Variants in BAZ2B observed in about 807,000 individuals in gnomAD.
The protein encoded by BAZ2B is bromodomain adjacent to zinc finger domain 2B, also known as bromodomain adjacent to zinc finger domain protein 2B.
A neutral mutation model predicts 246.0 loss-of-function variants in BAZ2B; 91 were observed. The ratio of observed to expected loss-of-function variants is 0.37; its 90% confidence interval spans 0.31 to 0.44. The LOEUF (loss-of-function observed/expected upper bound fraction) is 0.44. BAZ2B is among the 20% of genes least tolerant of loss of function. The probability of loss-of-function intolerance (pLI) is 1.00; values close to 1 mark genes in which losing one functional copy is unlikely to be tolerated. For synonymous variants in BAZ2B, 855 were observed against 860.0 expected (o/e 0.99, Z 0.10); for missense variants, 2,332 against 2,533.7 (o/e 0.92, Z 1.71).
chr2:159,463,466 C>G (rs1251780462), intron 3 of BAZ2B: 1 of 173,850 alleles, frequency 5.8e-6, no homozygotes, highest in Non-Finnish European at 1.2e-5. Context: ...ATACTATTTT[C>G]TATAAAGGCT....
intron 2 of BAZ2B, among the ~76,000 whole-genome samples, chr2:159,518,445 T>C (rs1398333265): frequency 1.3e-5 from 2 of 152,156 alleles, no homozygotes; most frequent in Admixed American, 6.5e-5. Context: ...ACAAAAAGCT[T>C]CAGAGTGAAT....
In BAZ2B at chr2:159,582,573, T is replaced by TG. The variant is rs1341059544; in HGVS notation, c.-45-26709dup. 1.7e-4 allele frequency among the ~76,000 whole-genome samples: 26 copies of TG among 152,212 alleles called. No homozygotes were observed. The East Asian group carries it at 3.7e-3, about 21-fold the overall frequency. On this transcript the variant is annotated intron_variant, in intron 1 of 36. Transcript: ENST00000392783. ...TAATTTTTGTATTTTTTTTAAGAGA[T>TG]GGGGTCCCACTATGTTGCCCAGGCT...
At chr2:159,462,764 T>C in intron 3 of BAZ2B, 2 of 1,414,132 alleles carry the variant, frequency 1.4e-6, no homozygotes, top group East Asian at 2.3e-5. Context: ...GTTTTTAGGC[T>C]GACACTCATG....
At chr2:159,649,217 C>T in the BAZ2B span, among the ~76,000 whole-genome samples, 1 of 152,050 alleles carries the variant, frequency 6.6e-6, no homozygotes, top group African/African-American at 2.4e-5. Flanking sequence ...ATTTTGGATA[C>T]AAGGCCTATA....
chr2:159,382,153 G>C (rs1038532264), intron 25 of BAZ2B, among the ~76,000 whole-genome samples: 3 of 152,122 alleles, frequency 2.0e-5, no homozygotes, highest in African/African-American at 7.2e-5. Context: ...TAGAGAAATA[G>C]TAATTGGTGT....
At chr2:159,474,442 ATG>A (rs950772360) in intron 3 of BAZ2B, among the ~76,000 whole-genome samples, 4 of 152,026 alleles carry the variant, frequency 2.6e-5, no homozygotes, top group African/African-American at 9.7e-5. Context: ...TTTTGAGCCT[ATG>A]TGTGTCTTTG....
intron 3 of BAZ2B, chr2:159,459,622 G>C (rs996736914): frequency 6.6e-6 from 1 of 152,092 alleles, no homozygotes; most frequent in African/African-American, 2.4e-5. Flanking sequence ...ATAGACTGAT[G>C]ATGGCTCAGT....
At chr2:159,584,232 C>G (rs1395098836) in intron 1 of BAZ2B, among the ~76,000 whole-genome samples, 2 of 152,018 alleles carry the variant, frequency 1.3e-5, no homozygotes, top group African/African-American at 4.8e-5. Flanking sequence ...AGCGATTCTC[C>G]TGCCTTAGCC....
chr2:159,515,475 T>C (rs932432644), intron 2 of BAZ2B, among the ~76,000 whole-genome samples: 1 of 152,116 alleles, frequency 6.6e-6, no homozygotes, highest in Non-Finnish European at 1.5e-5. Context: ...TGGTGTTTCT[T>C]TTAAAGCCAT....
At chr2:159,567,426 G>GT (rs1005836890) in intron 1 of BAZ2B, among the ~76,000 whole-genome samples, 11 of 151,948 alleles carry the variant, frequency 7.2e-5, no homozygotes, top group East Asian at 3.9e-4. Context: ...AAGAAGCACA[G>GT]TTTTTTTTAC....
intron 1 of BAZ2B, among the ~76,000 whole-genome samples, chr2:159,613,911 G>A (rs1196208863): frequency 6.6e-6 from 1 of 152,136 alleles, no homozygotes; most frequent in East Asian, 1.9e-4. Flanking sequence ...GACTGCTACA[G>A]AAATAAAAAC....
At chr2:159,646,154 A>G in the BAZ2B span, among the ~76,000 whole-genome samples, 1 of 152,154 alleles carries the variant, frequency 6.6e-6, no homozygotes, top group Non-Finnish European at 1.5e-5. Flanking sequence ...GCCACACCCA[A>G]GGGGGCCATT....
At chr2:159,558,710 C>T (rs1033974768) in intron 1 of BAZ2B, among the ~76,000 whole-genome samples, 1 of 152,016 alleles carries the variant, frequency 6.6e-6, no homozygotes, top group Admixed American at 6.6e-5. Context: ...ATAAGTAGGG[C>T]CCATGGGAAA....
intron 8 of BAZ2B, chr2:159,434,040 A>AG (rs2150205066): frequency 6.6e-6 from 1 of 152,398 alleles, no homozygotes; most frequent in South Asian, 2.1e-4. Flanking sequence ...GCGGCTGACC[A>AG]GGAGCTGTGG....
At chr2:159,425,807 T>A (rs35621931) in intron 13 of BAZ2B, among the ~76,000 whole-genome samples, 59,227 of 152,044 alleles carry the variant, frequency 0.39, 12,345 homozygotes, top group Non-Finnish European at 0.49. Context: ...TATAACAAAA[T>A]TATATAATCT....
intron 27 of BAZ2B, among the ~76,000 whole-genome samples, chr2:159,357,152 A>G (rs1039381109): frequency 3.3e-5 from 5 of 152,158 alleles, no homozygotes; most frequent in African/African-American, 7.2e-5. Flanking sequence ...AGTGGGCTTC[A>G]GAAGGTGGGT....
intron 2 of BAZ2B, among the ~76,000 whole-genome samples, chr2:159,496,724 G>A (rs1368416164): frequency 2.1e-5 from 3 of 144,262 alleles, no homozygotes; most frequent in Non-Finnish European, 3.0e-5. Flanking sequence ...TGGATGTTGC[G>A]GTGAGCCAAG....
At chr2:159,456,491 C>T (rs73967877) in intron 3 of BAZ2B, among the ~76,000 whole-genome samples, 11,138 of 151,940 alleles carry the variant, frequency 0.073, 545 homozygotes, top group Middle Eastern at 0.16. Flanking sequence ...ACTTTGACAA[C>T]AAAAAGTTCT....
chr2:159,382,539 A>C lies in BAZ2B; in HGVS notation c.4005+20T>G. On this transcript the variant is annotated intron_variant, in intron 25 of 36. Transcript: ENST00000392783. Reference sequence around the variant, plus strand: ...GTTATGCAGTTCTAGTTGTCTTAAAATCAACCTAAATTTCATTACCTCATC... The same window carrying C: ...GTTATGCAGTTCTAGTTGTCTTAAACTCAACCTAAATTTCATTACCTCATC... 21 of 1,544,884 alleles carry C rather than the reference A, an allele frequency of 1.4e-5. No individual in the cohort carries two copies. The highest frequency in any genetic ancestry group is 1.8e-5 in the Non-Finnish European group (21 of 1,145,354).
Sources: allele counts gnomAD v4.1 joint callset (sites outside exome capture counted in the v4.1 genomes callset), GRCh38; gene constraint gnomAD v4.1.1; transcripts MANE v1.5; gene names NCBI Gene and HGNC (gene_info 2026-07-23, HGNC 2026-07-21).